Variants in UGT2A2 observed in about 807,000 individuals in gnomAD.
UGT2A2 encodes UDP glucuronosyltransferase family 2 member A2.
Under a neutral mutation model 50.7 loss-of-function variants are expected in UGT2A2, and 60 were observed. The observed-to-expected ratio is 1.18, with a 90% CI of 0.96 to 1.47. The LOEUF is 1.47. Among genes scored for constraint, UGT2A2 ranks in the 40% most tolerant of loss-of-function variants. The probability of loss-of-function intolerance (pLI) is 0.00; values close to 1 mark genes in which losing one functional copy is unlikely to be tolerated. For synonymous variants in UGT2A2, 242 were observed against 214.6 expected, an observed-to-expected ratio of 1.13 and a Z score of -1.11; for missense variants, 762 against 634.0, an observed-to-expected ratio of 1.20 and a Z score of -2.17.
At chr4:69,611,684 G>C (rs1259975595) in intron 1 of UGT2A2, among the ~76,000 whole-genome samples, 1 of 152,064 alleles carries the variant, frequency 6.6e-6, no homozygotes, top group Non-Finnish European at 1.5e-5. Flanking sequence ...ATATAAAATT[G>C]TTCCCTTTAC....
chr4:69,606,868 A>T (rs1719658308), intron 1 of UGT2A2, among the ~76,000 whole-genome samples: 1 of 136,292 alleles, frequency 7.3e-6, no homozygotes, highest in Non-Finnish European at 1.6e-5. Context: ...CTTACAAGGG[A>T]CGTAAGGACC....
chr4:69,618,209 G>GTGTATGTT (rs1553905701), intron 1 of UGT2A2, among the ~76,000 whole-genome samples: 88 of 110,454 alleles, frequency 8.0e-4, no homozygotes, highest in East Asian at 1.2e-3. Flanking sequence ...GTGTGTGTGT[G>GTGTATGTT]TGTGTGTATG....
At position 69,603,821 on chromosome 4, in the gene UGT2A2, T is replaced by C. The variant is rs912419898; in HGVS notation, c.743-4427A>G. ...CAACTGGAAGAAAGGGTATCAGTGA[T>C]GGAAGATCAAATGAATGAAATGAAG... On this transcript the variant is annotated intron_variant, in intron 1 of 5. Transcript: ENST00000604629. Among the ~76,000 whole-genome samples the C allele has an allele frequency of 5.9e-5, 8 of 136,354 alleles. 1 individual carries two copies. The highest frequency in any genetic ancestry group is 1.2e-4 in the Non-Finnish European group (8 of 64,304). 89.5% of individuals were successfully genotyped at this position (136,354 alleles called of 152,430 possible).
chr4:69,631,021 A>G (rs141316703), intron 1 of UGT2A2, among the ~76,000 whole-genome samples: 3 of 152,290 alleles, frequency 2.0e-5, no homozygotes, highest in South Asian at 2.1e-4. Flanking sequence ...CTCTCTAGAT[A>G]TGAAATCATC....
At chr4:69,593,830 G>C (rs1376863829) in intron 5 of UGT2A2, among the ~76,000 whole-genome samples, 2 of 151,418 alleles carry the variant, frequency 1.3e-5, no homozygotes, top group Admixed American at 1.3e-4. Flanking sequence ...TTTCAATTTT[G>C]TATTTACTGA....
intron 1 of UGT2A2, among the ~76,000 whole-genome samples, chr4:69,629,688 C>G (rs899688673): frequency 1.3e-5 from 2 of 152,050 alleles, no homozygotes. Context: ...TCCTGTACAA[C>G]TCTACTGGAA....
chr4:69,635,420 C>T (rs1056830510), intron 1 of UGT2A2, among the ~76,000 whole-genome samples: 1 of 152,176 alleles, frequency 6.6e-6, no homozygotes, highest in African/African-American at 2.4e-5. Flanking sequence ...TAACCATTTT[C>T]ACTACAGTGT....
Position 69,639,386 on chromosome 4 carries a change from A to G in UGT2A2, c.255T>C (p.Val85=). 1 of 1,613,622 alleles carries G rather than the reference A, an allele frequency of 6.2e-7. No individual in the cohort carries two copies. Among genetic ancestry groups the G allele is most frequent in the Non-Finnish European group, 8.5e-7 (1 of 1,179,712 alleles). The change falls in exon 1 of 6, where the codon GTT becomes GTC. Residue 85 remains valine (V), a synonymous_variant. Transcript: ENST00000604629. ...AATCTATATTGCTCTTCTTGTAGGA[A>G]ACAGGTATCACTTCAAAATTCACAG... ...DSPVNFEVIP[V]SYKKSNIDSL...
chr4:69,618,211 G>GTGTT (rs1553905705), intron 1 of UGT2A2, among the ~76,000 whole-genome samples: 2 of 113,222 alleles, frequency 1.8e-5, no homozygotes, highest in Non-Finnish European at 3.7e-5. Flanking sequence ...GTGTGTGTGT[G>GTGTT]TGTGTATGTT....
chr4:69,627,597 G>A (rs373841788), intron 1 of UGT2A2, among the ~76,000 whole-genome samples: 1 of 123,710 alleles, frequency 8.1e-6, no homozygotes, highest in African/African-American at 3.2e-5. Context: ...AAAGAAGAAA[G>A]AAAAGAAAGA....
chr4:69,604,703 T>A (rs1433326366), intron 1 of UGT2A2, among the ~76,000 whole-genome samples: 1 of 135,504 alleles, frequency 7.4e-6, no homozygotes, highest in Admixed American at 7.3e-5. Flanking sequence ...ACACATAGGC[T>A]CAAAATAAAG....
At chr4:69,638,547 A>G (rs1721849648) in intron 1 of UGT2A2, among the ~76,000 whole-genome samples, 1 of 152,164 alleles carries the variant, frequency 6.6e-6, no homozygotes, top group African/African-American at 2.4e-5. Flanking sequence ...GGCATGGTAA[A>G]TCATGTATCA....
chr4:69,593,924 T>C (rs965986556), intron 5 of UGT2A2, among the ~76,000 whole-genome samples: 5 of 151,418 alleles, frequency 3.3e-5, no homozygotes, highest in African/African-American at 1.2e-4. Flanking sequence ...TATATAATCA[T>C]AGCATTCTTT....
intron 1 of UGT2A2, among the ~76,000 whole-genome samples, chr4:69,637,873 G>A (rs1721801340): frequency 6.7e-6 from 1 of 148,874 alleles, no homozygotes; most frequent in African/African-American, 2.5e-5. Flanking sequence ...AGAGAATGAA[G>A]GAAGAAAAGT....
At chr4:69,625,133 G>A (rs188349703) in intron 1 of UGT2A2, among the ~76,000 whole-genome samples, 3 of 150,664 alleles carry the variant, frequency 2.0e-5, no homozygotes, top group African/African-American at 7.3e-5. Context: ...TTTGTAGCTT[G>A]CATTGCTTTC....
chr4:69,637,686 C>A (rs112241993), intron 1 of UGT2A2, among the ~76,000 whole-genome samples: 1 of 152,192 alleles, frequency 6.6e-6, no homozygotes, highest in African/African-American at 2.4e-5. Context: ...GCATATATCA[C>A]AGGCTAAATT....
intron 1 of UGT2A2, among the ~76,000 whole-genome samples, chr4:69,611,103 A>T (rs936749159): frequency 7.5e-6 from 1 of 133,046 alleles, no homozygotes; most frequent in African/African-American, 3.0e-5. Context: ...AATAAATGTT[A>T]TCAGTGAAGT....
chr4:69,625,986 A>G (rs1042663509), intron 1 of UGT2A2, among the ~76,000 whole-genome samples: 2 of 151,626 alleles, frequency 1.3e-5, no homozygotes, highest in African/African-American at 4.8e-5. Context: ...CAAGCTATTT[A>G]TAATAGCTGT....
intron 1 of UGT2A2, among the ~76,000 whole-genome samples, chr4:69,609,568 T>C (rs1007711109): frequency 6.6e-6 from 1 of 152,120 alleles, no homozygotes; most frequent in Non-Finnish European, 1.5e-5. Flanking sequence ...AGTAAATGAA[T>C]TGAATAGTTT....
Sources: allele counts gnomAD v4.1 joint callset (sites outside exome capture counted in the v4.1 genomes callset), GRCh38; gene constraint gnomAD v4.1.1; transcripts MANE v1.5; gene names NCBI Gene and HGNC (gene_info 2026-07-23, HGNC 2026-07-21).